Variants in ROBO2 observed in about 807,000 individuals in gnomAD.
The protein encoded by ROBO2 is roundabout homolog 2.
In ROBO2, 53 loss-of-function variants were observed where a neutral mutation model predicts 160.8. The observed-to-expected ratio is 0.33, with a 90% CI of 0.26 to 0.41. The LOEUF (loss-of-function observed/expected upper bound fraction) is 0.41, where lower values mean the gene tolerates loss of function less well. ROBO2 is among the 10% of genes least tolerant of loss of function. ROBO2 has a pLI of 1.00. For synonymous variants in ROBO2, 664 were observed against 611.7 expected (o/e 1.09, Z -1.26); for missense variants, 1,577 against 1,722.4 (o/e 0.92, Z 1.49).
intron 2 of ROBO2, among the ~76,000 whole-genome samples, chr3:77,456,755 T>C (rs1445324554): frequency 6.6e-6 from 1 of 152,200 alleles, no homozygotes; most frequent in African/African-American, 2.4e-5. Context: ...ATGGGATGGC[T>C]CTTCTCAGTA....
intron 2 of ROBO2, among the ~76,000 whole-genome samples, chr3:77,416,194 C>A (rs1366748384): frequency 6.6e-6 from 1 of 152,120 alleles, no homozygotes; most frequent in East Asian, 1.9e-4. Flanking sequence ...AAGTGGGTAT[C>A]CCAATGTGTG....
chr3:76,762,123 C>G (rs532578343), intron 2 of ROBO2, among the ~76,000 whole-genome samples: 1 of 151,328 alleles, frequency 6.6e-6, no homozygotes, highest in African/African-American at 2.4e-5. Context: ...AATATTCATT[C>G]AGGCATTTAA....
intron 2 of ROBO2, among the ~76,000 whole-genome samples, chr3:77,272,497 C>A (rs1440870927): frequency 6.6e-6 from 1 of 152,032 alleles, no homozygotes; most frequent in Non-Finnish European, 1.5e-5. Flanking sequence ...GGGAAATACG[C>A]CCCCATGTTG....
intron 2 of ROBO2, among the ~76,000 whole-genome samples, chr3:76,176,561 GA>G (rs1258697928): frequency 6.6e-6 from 1 of 151,570 alleles, no homozygotes. Flanking sequence ...GAGATTTGTG[GA>G]AAAAAAATCA....
intron 2 of ROBO2, among the ~76,000 whole-genome samples, chr3:77,164,901 C>T (rs1229115632): frequency 9.8e-5 from 10 of 101,564 alleles, no homozygotes; most frequent in African/African-American, 1.3e-4. Flanking sequence ...GGGTCAGCCC[C>T]CCGCCCGGCC....
chr3:77,425,042 T>A (rs115866482), intron 2 of ROBO2, among the ~76,000 whole-genome samples: 2,579 of 152,236 alleles, frequency 0.017, 51 homozygotes, highest in Non-Finnish European at 0.024. Context: ...AGTATTTGAG[T>A]GAGATAAACT....
chr3:76,453,765 A>C (rs962194310), intron 2 of ROBO2, among the ~76,000 whole-genome samples: 19 of 152,190 alleles, frequency 1.2e-4, no homozygotes, highest in Admixed American at 1.0e-3. Context: ...GGTTACCCTA[A>C]GTATCCTCTA....
intron 2 of ROBO2, among the ~76,000 whole-genome samples, chr3:76,229,771 T>G (rs947164186): frequency 2.6e-5 from 4 of 152,136 alleles, no homozygotes; most frequent in Non-Finnish European, 4.4e-5. Context: ...ATGTAATAAA[T>G]AGAAGATCTA....
intron 2 of ROBO2, among the ~76,000 whole-genome samples, chr3:76,869,097 C>T (rs1207393112): frequency 1.3e-5 from 2 of 152,046 alleles, no homozygotes; most frequent in Admixed American, 6.6e-5. Context: ...GGAATAGACA[C>T]AATCATGCTT....
At chr3:77,337,681 A>G (rs1315186183) in intron 2 of ROBO2, among the ~76,000 whole-genome samples, 1 of 152,154 alleles carries the variant, frequency 6.6e-6, no homozygotes, top group Non-Finnish European at 1.5e-5. Flanking sequence ...CCTACATAAA[A>G]CATTAAATGA....
At chr3:75,927,798 A>G (rs561264938) in intron 1 of ROBO2, among the ~76,000 whole-genome samples, 52 of 152,298 alleles carry the variant, frequency 3.4e-4, no homozygotes, top group African/African-American at 1.3e-3. Context: ...CTCTGTATTG[A>G]TTTAACAAAT....
chr3:77,559,423 T>C (rs2093247254), intron 9 of ROBO2, among the ~76,000 whole-genome samples: 1 of 152,040 alleles, frequency 6.6e-6, no homozygotes, highest in Admixed American at 6.6e-5. Flanking sequence ...CTGGAGAGTA[T>C]ATTTTAGTAA....
chr3:77,551,048 C>G, intron 8 of ROBO2, 59 bp downstream of exon 9: 1 of 1,558,272 alleles, frequency 6.4e-7, no homozygotes, highest in East Asian at 2.3e-5. Flanking sequence ...TCTAGATACA[C>G]GTTAACCATG....
At chr3:76,585,471 G>A (rs764858401) in intron 2 of ROBO2, among the ~76,000 whole-genome samples, 2 of 152,136 alleles carry the variant, frequency 1.3e-5, no homozygotes, top group Admixed American at 6.5e-5. Context: ...TTAAAGCACC[G>A]ATTTCTGGGT....
intron 2 of ROBO2, among the ~76,000 whole-genome samples, chr3:77,133,618 T>C (rs1331230077): frequency 6.6e-6 from 1 of 152,222 alleles, no homozygotes; most frequent in Non-Finnish European, 1.5e-5. Context: ...ACACATTCCG[T>C]CCTGGGATTC....
intron 2 of ROBO2, among the ~76,000 whole-genome samples, chr3:76,584,478 A>AACAGGAACCTTGGAC (rs2085905516): frequency 6.6e-6 from 1 of 152,116 alleles, no homozygotes; most frequent in African/African-American, 2.4e-5. Flanking sequence ...TCCTTATATA[A>AACAGGAACCTTGGAC]ACAGGAACCT....
At chr3:76,471,598 T>G (rs910429148) in intron 2 of ROBO2, among the ~76,000 whole-genome samples, 22 of 152,170 alleles carry the variant, frequency 1.4e-4, no homozygotes, top group African/African-American at 5.1e-4. Flanking sequence ...TTTCAAAAAT[T>G]CTTAAAGGAA....
At chr3:75,964,481 A>G (rs1431944317) in intron 2 of ROBO2, among the ~76,000 whole-genome samples, 1 of 151,744 alleles carries the variant, frequency 6.6e-6, no homozygotes, top group East Asian at 2.0e-4. Context: ...AAGATAAAAT[A>G]CAATCCTGCA....
At chr3:76,164,785 G>T (rs1246431896) in intron 2 of ROBO2, among the ~76,000 whole-genome samples, 1 of 152,132 alleles carries the variant, frequency 6.6e-6, no homozygotes, top group Non-Finnish European at 1.5e-5. Flanking sequence ...TCTTTGAAAT[G>T]GTCAGTGAGC....
Sources: allele counts gnomAD v4.1 joint callset (sites outside exome capture counted in the v4.1 genomes callset), GRCh38; gene constraint gnomAD v4.1.1; transcripts MANE v1.5; gene names NCBI Gene and HGNC (gene_info 2026-07-23, HGNC 2026-07-21).